The following KCNMA1 variants were observed in gnomAD, a reference collection of about 807,000 sequenced individuals.
The protein encoded by KCNMA1 is potassium calcium-activated channel subfamily M alpha 1, also known as Calcium-activated potassium channel subunit alpha-1.
KCNMA1 carries 29 observed loss-of-function variants against 140.0 expected under a neutral mutation model. The ratio of observed to expected loss-of-function variants is 0.21; its 90% CI spans 0.15 to 0.28. The LOEUF (loss-of-function observed/expected upper bound fraction) is 0.28. KCNMA1 is among the 10% of genes least tolerant of loss of function. KCNMA1 has a pLI of 1.00. For synonymous variants in KCNMA1, 612 were observed against 611.9 expected (o/e 1.00, Z 0.00); for missense variants, 880 against 1,602.2 (o/e 0.55, Z 7.70).
intron 3 of KCNMA1, among the ~76,000 whole-genome samples, chr10:77,203,570 T>G (rs1016784830): frequency 3.3e-5 from 5 of 152,294 alleles, no homozygotes; most frequent in African/African-American, 1.2e-4. Flanking sequence ...CCTGCTAGAC[T>G]GTGAGCTCCT....
intron 10 of KCNMA1, among the ~76,000 whole-genome samples, chr10:77,089,961 C>T (rs1260043031): frequency 6.6e-6 from 1 of 152,146 alleles, no homozygotes; most frequent in Non-Finnish European, 1.5e-5. Flanking sequence ...TTACTATTAC[C>T]TTCTGTCCTG....
In KCNMA1 at chr10:76,887,352, T is replaced by C; in HGVS notation, c.3625A>G (p.Ile1209Val). The change falls in exon 28 of 28, where the codon ATC becomes GTC. Residue 1209 changes from isoleucine to valine, a missense_variant. Ile to Val is a conservative substitution (Grantham distance 29). This residue lies in a region of KCNMA1 where 115 missense variants were observed against 139.9 expected (regional missense o/e 0.82). Coordinates refer to ENST00000286628, the MANE Select transcript of KCNMA1 (RefSeq NM_001161352.2). ...SSKKSSSVHSIPSTANRQNRP... is the reference protein window; with the variant it reads ...SSKKSSSVHSVPSTANRQNRP... ...TTCTGTCGGTTTGCTGTGGATGGGATGGAGTGAACAGAGGAGCTCTTCTTG... is the reference window on the plus strand; with the variant it reads ...TTCTGTCGGTTTGCTGTGGATGGGACGGAGTGAACAGAGGAGCTCTTCTTG... The C allele has an allele frequency of 6.2e-7, 1 of 1,614,048 alleles. No individual in the cohort carries two copies.
In KCNMA1 at chr10:76,889,458, T is replaced by G; in HGVS notation, c.3454A>C (p.Thr1152Pro). The stretch of plus-strand genomic sequence containing the variant: ...GTTGAAACCAATACTCACCTCTTTG[T>G]GCACTGACTGGGGGTGCTGAGGTGA... ...DAHLSTPSQCTKRYVITNPPY... is the reference protein window; with the variant it reads ...DAHLSTPSQCPKRYVITNPPY... The change falls in exon 27 of 28, where the codon ACA (threonine) becomes CCA (proline). Residue 1152 changes from threonine to proline, a missense_variant. Thr to Pro is a conservative substitution (Grantham distance 38, BLOSUM62 -1). Coordinates refer to ENST00000286628, the MANE Select transcript of KCNMA1 (RefSeq NM_001161352.2). 1.2e-6 allele frequency: 2 copies of G among 1,606,714 alleles called. No individual in the cohort carries two copies. Among genetic ancestry groups the G allele is most frequent in the Non-Finnish European group, 1.7e-6 (2 of 1,173,242 alleles).
At chr10:77,119,119 C>T (rs1329147841) in intron 6 of KCNMA1, among the ~76,000 whole-genome samples, 1 of 152,186 alleles carries the variant, frequency 6.6e-6, no homozygotes, top group African/African-American at 2.4e-5. Context: ...CTTCAGCTTC[C>T]CCGCTCTGCA....
In KCNMA1 at chr10:77,440,379, A is replaced by G. The variant is rs1320580213; in HGVS notation, c.379-36356T>C. ...GAGAAATTAAAACTTTCCTAAGGCC[A>G]CAGGGTTAAGTAAGAGGCAGAGCAA... On this transcript the variant is annotated intron_variant, in intron 1 of 27. Transcript: ENST00000286628. 2.0e-5 allele frequency among the ~76,000 whole-genome samples: 3 copies of G among 152,212 alleles called. No individual in the cohort carries two copies. In the East Asian group the frequency reaches 5.8e-4, roughly 29 times the overall value.
At chr10:77,574,620 A>G (rs2073311809) in intron 1 of KCNMA1, among the ~76,000 whole-genome samples, 1 of 152,198 alleles carries the variant, frequency 6.6e-6, no homozygotes, top group Admixed American at 6.5e-5. Flanking sequence ...TATGACCACT[A>G]GGGCATTTAT....
chr10:77,065,294 G>A (rs1157808538), intron 14 of KCNMA1, among the ~76,000 whole-genome samples: 1 of 152,210 alleles, frequency 6.6e-6, no homozygotes, highest in Non-Finnish European at 1.5e-5. Flanking sequence ...GGATGTGGAT[G>A]TATGGTGTGT....
intron 2 of KCNMA1, among the ~76,000 whole-genome samples, chr10:77,396,100 C>T (rs2096043388): frequency 6.6e-6 from 1 of 152,144 alleles, no homozygotes; most frequent in Non-Finnish European, 1.5e-5. Context: ...TAAACAGAAG[C>T]CTCCCTTAGG....
intron 1 of KCNMA1, among the ~76,000 whole-genome samples, chr10:77,483,031 CA>C (rs2098418834): frequency 8.2e-6 from 1 of 122,328 alleles, no homozygotes. Context: ...CACACACACA[CA>C]CACACACACC....
chr10:77,108,630 C>A lies in KCNMA1; in HGVS notation c.1132-58G>T, dbSNP rs773252597. The A allele has an allele frequency of 6.1e-6, 8 of 1,301,980 alleles. No homozygotes were observed. The highest frequency in any genetic ancestry group is 4.6e-5 in the East Asian group (2 of 43,440). 80.7% of individuals were successfully genotyped at this position (1,301,980 alleles called of 1,614,324 possible). On this transcript the variant is annotated intron_variant, in intron 8 of 27. Transcript: ENST00000286628. The surrounding 1 kb of genome is among the most constrained non-coding windows in gnomAD (Gnocchi z 4.6). ...AAGACAGGCCAAAGAAAAGGGGGGA[C>A]CTGTTCAGAGGGTGGGGGCACTAAG...
At chr10:77,117,523 G>A (rs1372294254) in intron 6 of KCNMA1, among the ~76,000 whole-genome samples, 2 of 82,872 alleles carry the variant, frequency 2.4e-5, no homozygotes, top group Non-Finnish European at 4.3e-5. Context: ...CTGGACAACA[G>A]AGCAAGAGTC....
Position 77,240,390 on chromosome 10 carries a change from C to T in KCNMA1, c.602+10805G>A, listed in dbSNP as rs933082039. On this transcript the variant is annotated intron_variant, in intron 3 of 27. Transcript: ENST00000286628. ...GTTTGAAAATGTGTTAGATGGCAAA[C>T]GACCCGGGGCACCCTGAGACCAAAG... is the stretch of plus-strand genomic sequence containing the variant. 4.6e-5 allele frequency among the ~76,000 whole-genome samples: 7 copies of T among 152,050 alleles called. No individual in the cohort carries two copies. In the East Asian group the frequency reaches 5.8e-4, roughly 13 times the overall value.
intron 1 of KCNMA1, among the ~76,000 whole-genome samples, chr10:77,442,639 G>T (rs763541416): frequency 2.0e-5 from 3 of 152,168 alleles, no homozygotes; most frequent in Admixed American, 6.5e-5. Flanking sequence ...AGCAGGTAAA[G>T]GTTGTCATCT....
intron 1 of KCNMA1, among the ~76,000 whole-genome samples, chr10:77,414,946 G>A (rs750300518): frequency 9.2e-5 from 14 of 152,184 alleles, no homozygotes; most frequent in Non-Finnish European, 2.1e-4. Flanking sequence ...TAGGTCCAAT[G>A]TGCAAGAACA....
At chr10:77,619,507 C>A (rs1418516165) in intron 1 of KCNMA1, among the ~76,000 whole-genome samples, 1 of 152,136 alleles carries the variant, frequency 6.6e-6, no homozygotes, top group African/African-American at 2.4e-5. Context: ...CCATGGGTTA[C>A]AAGCAACCCA....
At chr10:77,198,098 C>T (rs1381224654) in intron 3 of KCNMA1, among the ~76,000 whole-genome samples, 1 of 152,096 alleles carries the variant, frequency 6.6e-6, no homozygotes, top group Non-Finnish European at 1.5e-5. Context: ...GAGTTTTTAA[C>T]ATCAACCATA....
At chr10:76,968,630 A>C (rs1044173301) in intron 20 of KCNMA1, among the ~76,000 whole-genome samples, 4 of 152,236 alleles carry the variant, frequency 2.6e-5, no homozygotes, top group African/African-American at 9.6e-5. Flanking sequence ...TGACACTGGC[A>C]TCATAAAAAC....
intron 1 of KCNMA1, among the ~76,000 whole-genome samples, chr10:77,482,136 C>A (rs763471498): frequency 6.6e-6 from 1 of 152,218 alleles, no homozygotes. Context: ...TATTTGATAG[C>A]CCTGTAGTTT....
At chr10:77,230,907 T>A (rs1472651551) in intron 3 of KCNMA1, among the ~76,000 whole-genome samples, 1 of 152,094 alleles carries the variant, frequency 6.6e-6, no homozygotes, top group African/African-American at 2.4e-5. Flanking sequence ...TCCACTTGAT[T>A]TGCTTCTGCT....
Sources: allele counts gnomAD v4.1 joint callset (sites outside exome capture counted in the v4.1 genomes callset), GRCh38; gene constraint gnomAD v4.1.1; regional missense constraint gnomAD v4.1.1; non-coding constraint Gnocchi (gnomAD v3.1); transcripts MANE v1.5; gene names NCBI Gene and HGNC (gene_info 2026-07-23, HGNC 2026-07-21).